Variants in STK38L observed in about 807,000 individuals in gnomAD.
STK38L encodes serine/threonine-protein kinase 38-like.
A neutral mutation model predicts 59.7 loss-of-function variants in STK38L; 28 were observed. That is an observed-to-expected ratio of 0.47 (90% CI 0.35 to 0.64). The LOEUF is 0.64. STK38L is among the 30% of genes least tolerant of loss of function. STK38L has a pLI of 0.01. For missense variants in STK38L, 314 were observed against 555.8 expected (o/e 0.56, Z 4.37); for synonymous variants, 162 against 176.8 (o/e 0.92, Z 0.66).
Position 27,270,502 on chromosome 12 carries a change from C to T in STK38L, c.-12+26170C>T, listed in dbSNP as rs144687938. ...GAGCAATTATCTTGCCTCAGCCTCCCGAGTAGCAGGGATTACAGGTGTATG... is the reference window on the plus strand; with the variant it reads ...GAGCAATTATCTTGCCTCAGCCTCCTGAGTAGCAGGGATTACAGGTGTATG... On this transcript the variant is annotated intron_variant, in intron 1 of 13. Transcript: ENST00000389032. Among the ~76,000 whole-genome samples the T allele has an allele frequency of 1.7e-3, 261 of 152,230 alleles. 1 individual carries two copies. Among genetic ancestry groups the T allele is most frequent in the African/African-American group, 6.0e-3 (251 of 41,536 alleles).
chr12:27,255,006 G>T (rs1943060592), intron 1 of STK38L, among the ~76,000 whole-genome samples: 4 of 152,208 alleles, frequency 2.6e-5, no homozygotes, highest in Admixed American at 2.6e-4. Flanking sequence ...TTTTAAAATT[G>T]TATATGGACC....
At chr12:27,302,843 C>A (rs1456888605) in intron 3 of STK38L, among the ~76,000 whole-genome samples, 1 of 151,012 alleles carries the variant, frequency 6.6e-6, no homozygotes, top group Non-Finnish European at 1.5e-5. Flanking sequence ...CCCGTCACTG[C>A]TAAAAATACA....
chr12:27,313,548 AT>A (rs1355941378), intron 6 of STK38L, among the ~76,000 whole-genome samples: 1 of 151,476 alleles, frequency 6.6e-6, no homozygotes, highest in Non-Finnish European at 1.5e-5. Flanking sequence ...TGCCCAGCTA[AT>A]TTTTTTTGTA....
intron 1 of STK38L, among the ~76,000 whole-genome samples, chr12:27,260,142 G>T (rs1425154225): frequency 1.3e-5 from 2 of 151,998 alleles, no homozygotes; most frequent in Non-Finnish European, 2.9e-5. Flanking sequence ...CTCCTTCTTT[G>T]TCTCTTTTTT....
chr12:27,312,742 G>A (rs888185627), intron 6 of STK38L, 70 bp downstream of exon 6: 1 of 1,561,826 alleles, frequency 6.4e-7, no homozygotes, highest in Middle Eastern at 1.7e-4. Flanking sequence ...TAATTTTATT[G>A]GTGAGGTTTA....
chr12:27,261,323 T>C (rs900072479), intron 1 of STK38L, among the ~76,000 whole-genome samples: 11 of 152,244 alleles, frequency 7.2e-5, no homozygotes, highest in Admixed American at 1.3e-4. Flanking sequence ...GCTTCTACTT[T>C]CCTTGCTTTT....
chr12:27,272,100 T>C (rs1943436474), intron 1 of STK38L, among the ~76,000 whole-genome samples: 1 of 152,252 alleles, frequency 6.6e-6, no homozygotes, highest in South Asian at 2.1e-4. Context: ...CTGTTACTGC[T>C]TCGGCTCTTG....
chr12:27,312,564 G>T lies in STK38L; in HGVS notation c.409G>T (p.Ala137Ser). The T allele has an allele frequency of 6.2e-7, 1 of 1,613,880 alleles. No homozygotes were observed. The highest frequency in any genetic ancestry group is 8.5e-7 in the Non-Finnish European group (1 of 1,179,970). The change falls in exon 6 of 14, where the codon GCA becomes TCA. Residue 137 changes from alanine to serine, a missense_variant. Around this residue, in one of 3 missense-constraint regions of STK38L, gnomAD observed 192 missense variants for 316.9 expected, o/e 0.61. Transcript: ENST00000389032. Reference protein sequence around the residue: ...LEKEQVAHIRAERDILVEADG... With the variant: ...LEKEQVAHIRSERDILVEADG... ...ATTCATCTAGGTGGCCCATATCCGA[G>T]CAGAAAGAGATATTTTGGTAGAAGC...
intron 1 of STK38L, among the ~76,000 whole-genome samples, chr12:27,252,442 TAA>T (rs1215998962): frequency 6.6e-6 from 1 of 152,252 alleles, no homozygotes; most frequent in African/African-American, 2.4e-5. Context: ...TTTATTAAAT[TAA>T]TTTTTACTAG....
chr12:27,275,512 G>A (rs1943516088), intron 1 of STK38L, among the ~76,000 whole-genome samples: 1 of 151,532 alleles, frequency 6.6e-6, no homozygotes, highest in African/African-American at 2.4e-5. Context: ...TAATTTTTTA[G>A]TATTTTAAGT....
intron 1 of STK38L, among the ~76,000 whole-genome samples, chr12:27,266,527 T>C (rs907483144): frequency 6.6e-6 from 1 of 152,228 alleles, no homozygotes; most frequent in African/African-American, 2.4e-5. Flanking sequence ...TCTTTTTTTG[T>C]TGCACTTTTA....
At chr12:27,307,300 G>C (rs1027477378) in intron 3 of STK38L, among the ~76,000 whole-genome samples, 2 of 152,116 alleles carry the variant, frequency 1.3e-5, no homozygotes, top group African/African-American at 4.8e-5. Context: ...CATCTTCTTA[G>C]ATTAACTTTG....
intron 1 of STK38L, among the ~76,000 whole-genome samples, chr12:27,256,662 A>G (rs1591848472): frequency 6.6e-6 from 1 of 152,360 alleles, no homozygotes; most frequent in Non-Finnish European, 1.5e-5. Context: ...AGCATTTGCT[A>G]TGTGCCAGGC....
intron 1 of STK38L, among the ~76,000 whole-genome samples, chr12:27,289,365 A>G (rs933866647): frequency 6.6e-6 from 1 of 152,224 alleles, no homozygotes; most frequent in African/African-American, 2.4e-5. Flanking sequence ...TTAAAAAAAA[A>G]TGAAGTTCAG....
intron 5 of STK38L, among the ~76,000 whole-genome samples, chr12:27,312,167 C>T (rs897007603): frequency 2.0e-4 from 31 of 152,244 alleles, no homozygotes; most frequent in African/African-American, 7.0e-4. Context: ...GCGTGAGCCA[C>T]TGTGCCCGGC....
At chr12:27,313,808 TAAAAG>T (rs1053356699) in intron 6 of STK38L, among the ~76,000 whole-genome samples, 6 of 152,238 alleles carry the variant, frequency 3.9e-5, no homozygotes, top group Admixed American at 3.3e-4. Flanking sequence ...TCCTTGAAAA[TAAAAG>T]AATGTCTGCA....
At chr12:27,315,432 A>G in intron 9 of STK38L, 82 bp downstream of exon 9, 1 of 1,101,754 alleles carries the variant, frequency 9.1e-7, no homozygotes, top group South Asian at 1.5e-5. Flanking sequence ...TTTTATCTTT[A>G]TAATAATTAG....
chr12:27,280,839 G>A (rs186816369), intron 1 of STK38L, among the ~76,000 whole-genome samples: 18 of 152,264 alleles, frequency 1.2e-4, no homozygotes, highest in Non-Finnish European at 2.2e-4. Flanking sequence ...TTTAAAAAGC[G>A]TACAGAGCTG....
rs368015216 is a variant in STK38L at position 27,322,347 on chromosome 12, G to A, written c.1287G>A (p.Pro429=). 9.9e-6 allele frequency: 16 copies of A among 1,613,662 alleles called. No homozygotes were observed. Among genetic ancestry groups the A allele is most frequent in the Admixed American group, 3.3e-5 (2 of 59,964 alleles). Residue 429 remains proline, a synonymous_variant, in exon 14 of 14, where the codon CCG becomes CCA. Transcript: ENST00000389032. ...TTCTAGTGCCAAATACCACAGAACC[G>A]GACTACAAATCCAAAGACTGGGTTT... is the stretch of plus-strand genomic sequence containing the variant. The part of the protein sequence containing the change: ...ILQPVPNTTE[P]DYKSKDWVFL...
Sources: gnomAD v4.1 joint callset for allele counts (sites outside exome capture counted in the v4.1 genomes callset) on GRCh38, gnomAD v4.1.1 for gene constraint, gnomAD v4.1.1 regional missense constraint, MANE v1.5 for transcripts, NCBI Gene and HGNC (gene_info 2026-07-23, HGNC 2026-07-21) for gene names.